FNDC7: variants seen among roughly 807,000 people sequenced by gnomAD.
FNDC7 encodes fibronectin type III domain-containing protein 7.
In FNDC7, 66 loss-of-function variants were observed where a neutral mutation model predicts 74.2. That is an observed-to-expected ratio of 0.89 (90% confidence interval 0.73 to 1.09). FNDC7 has a LOEUF of 1.09. Ranked by LOEUF, FNDC7 falls within the 50% of genes least tolerant of loss-of-function variation. The probability of loss-of-function intolerance (pLI) is 0.00; values close to 1 mark genes in which losing one functional copy is unlikely to be tolerated. For synonymous variants in FNDC7, 307 were observed against 330.2 expected (o/e 0.93, Z 0.76); for missense variants, 829 against 893.4 (o/e 0.93, Z 0.92).
At chr1:108,724,485 G>A (rs1176372344) in intron 5 of FNDC7, among the ~76,000 whole-genome samples, 3 of 152,024 alleles carry the variant, frequency 2.0e-5, no homozygotes, top group African/African-American at 7.2e-5. Flanking sequence ...TGCACACGGG[G>A]GCTCATGCCT....
intron 2 of FNDC7, among the ~76,000 whole-genome samples, chr1:108,716,470 C>T (rs1660979356): frequency 6.6e-6 from 1 of 151,822 alleles, no homozygotes; most frequent in Non-Finnish European, 1.5e-5. Flanking sequence ...TGGCAAGTGG[C>T]TATGATGAGC....
In FNDC7 at chr1:108,725,860, G is replaced by C. The variant is rs761293624; in HGVS notation, c.967G>C (p.Asp323His). The C allele has an allele frequency of 6.2e-7, 1 of 1,614,034 alleles. No individual in the cohort carries two copies. Among genetic ancestry groups the C allele is most frequent in the Non-Finnish European group, 8.5e-7 (1 of 1,179,986 alleles). Residue 323 changes from aspartate to histidine, a missense_variant, in exon 6 of 13, where the codon GAT (aspartate) becomes CAT (histidine). Transcript: ENST00000370017. ...GDYYVVFVKS[D>H]DGLEVHCNTS... ...CTACTATGTGGTCTTTGTGAAGAGT[G>C]ATGATGGCTTGGAAGTACACTGCAA... is the stretch of plus-strand genomic sequence containing the variant.
Position 108,718,937 on chromosome 1 carries a change from C to T in FNDC7, c.486C>T (p.Asn162=), listed in dbSNP as rs1570724957. 6.4e-7 allele frequency: 1 copy of T among 1,551,646 alleles called. No homozygotes were observed. The highest frequency in any genetic ancestry group is 8.7e-7 in the Non-Finnish European group (1 of 1,147,022). ...GTATATGGAAAGAGAATACTACAAA[C>T]ACCTCCTTGACATTCACCAGTTTAG... ...LGSIWKENTT[N]TSLTFTSLEA... is the part of the protein sequence containing the mutation. The change falls in exon 4 of 13, where the codon AAC becomes AAT. Residue 162 remains asparagine (N), a synonymous_variant. Transcript: ENST00000370017.
rs541750299 is a variant in FNDC7, at chr1:108,732,068, A to G, written c.1879+1140A>G. On this transcript the variant is annotated intron_variant, in intron 9 of 12. Transcript: ENST00000370017. ...AAGGTATTTAGAAAAGGAAAAAAAT[A>G]CTAATCAGTGGCCTGGCGCGGTGGC... 3.9e-5 allele frequency among the ~76,000 whole-genome samples: 6 copies of G among 152,312 alleles called. No homozygotes were observed. The South Asian group carries it at 1.2e-3, about 32-fold the overall frequency.
intron 10 of FNDC7, among the ~76,000 whole-genome samples, chr1:108,736,291 A>T (rs1661512888): frequency 6.6e-6 from 1 of 151,938 alleles, no homozygotes; most frequent in Admixed American, 6.6e-5. Context: ...CACTTCCACC[A>T]AGAGAACTCT....
intron 6 of FNDC7, 83 bp downstream of exon 6, chr1:108,726,087 A>G: frequency 6.7e-7 from 1 of 1,494,778 alleles, no homozygotes; most frequent in East Asian, 2.3e-5. Context: ...CCACTTATTG[A>G]CTTACCACCT....
At position 108,725,815 on chromosome 1, in the gene FNDC7, T is replaced by G; in HGVS notation, c.922T>G (p.Ser308Ala). The part of the protein sequence containing the change: ...DPPGHLSVAW[S>A]SVDLGDYYVV... Reference sequence around the variant, plus strand: ...CCCTGGCCACCTGTCTGTGGCTTGGTCCAGTGTAGATCTGGGTGACTACTA... The same window carrying G: ...CCCTGGCCACCTGTCTGTGGCTTGGGCCAGTGTAGATCTGGGTGACTACTA... The change falls in exon 6 of 13, where the codon TCC (serine) becomes GCC (alanine). Residue 308 changes from serine (S) to alanine (A), a missense_variant. By Grantham distance (99) the Ser-to-Ala change is moderately conservative. Coordinates refer to ENST00000370017, the MANE Select transcript of FNDC7 (RefSeq NM_001144937.3). 6.2e-7 allele frequency: 1 copy of G among 1,614,178 alleles called. No individual in the cohort carries two copies. Among genetic ancestry groups the G allele is most frequent in the Non-Finnish European group, 8.5e-7 (1 of 1,180,002 alleles).
At chr1:108,735,004 A>T (rs568861666) in intron 10 of FNDC7, among the ~76,000 whole-genome samples, 1 of 152,246 alleles carries the variant, frequency 6.6e-6, no homozygotes, top group East Asian at 1.9e-4. Context: ...GTCCGTATTC[A>T]AATTTGATAC....
At chr1:108,732,116 T>C (rs1292445632) in intron 9 of FNDC7, among the ~76,000 whole-genome samples, 1 of 152,046 alleles carries the variant, frequency 6.6e-6, no homozygotes, top group East Asian at 1.9e-4. Context: ...TCCCAGCACT[T>C]TGGGAGGCCG....
rs1661205083 is a variant in FNDC7, at chr1:108,725,884, A to T, written c.991A>T (p.Asn331Tyr). Residue 331 changes from asparagine to tyrosine, a missense_variant, in exon 6 of 13, where the codon AAC becomes TAC. Physicochemically the swap from Asn to Tyr is moderately radical, Grantham distance 143. Coordinates refer to ENST00000370017, the MANE Select transcript of FNDC7 (RefSeq NM_001144937.3). ...TGATGATGGCTTGGAAGTACACTGC[A>T]ACACATCTCTCACTCAGTGCAACTT... ...KSDDGLEVHC[N>Y]TSLTQCNFLS... The T allele has an allele frequency of 1.2e-6, 2 of 1,614,048 alleles. No homozygotes were observed. The highest frequency in any genetic ancestry group is 1.3e-5 in the African/African-American group (1 of 74,906).
intron 5 of FNDC7, among the ~76,000 whole-genome samples, chr1:108,723,090 CTATT>C (rs1661133175): frequency 6.6e-6 from 1 of 152,140 alleles, no homozygotes; most frequent in African/African-American, 2.4e-5. Flanking sequence ...GTTGACTCCT[CTATT>C]TAGAAATATC....
chr1:108,728,081 C>T lies in FNDC7; in HGVS notation c.1369+16C>T, dbSNP rs890680176. On this transcript the variant is annotated intron_variant, in intron 7 of 12. Transcript: ENST00000370017. Reference sequence around the variant, plus strand: ...ATAACCACAGGTAAGGCACAGCTATCATTCCACTCACTGGTGTCTGAATGA... The same window carrying T: ...ATAACCACAGGTAAGGCACAGCTATTATTCCACTCACTGGTGTCTGAATGA... The T allele has an allele frequency of 3.7e-6, 6 of 1,607,024 alleles. No individual in the cohort carries two copies. The highest frequency in any genetic ancestry group is 5.1e-6 in the Non-Finnish European group (6 of 1,175,982).
At position 108,728,020 on chromosome 1, in the gene FNDC7, G is replaced by A. The variant is rs1385859610; in HGVS notation, c.1324G>A (p.Val442Ile). ...CATCACAGTGTATTCATTCAATGAA[G>A]TCCGAGGCAGCAATATGTCATGTAC... Reference protein sequence around the residue: ...YNITVYSFNEVRGSNMSCTPQ... With the variant: ...YNITVYSFNEIRGSNMSCTPQ... The change falls in exon 7 of 13, where the codon GTC becomes ATC. Residue 442 changes from valine to isoleucine, a missense_variant. Val to Ile is a conservative substitution (Grantham distance 29). Coordinates refer to ENST00000370017, the MANE Select transcript of FNDC7 (RefSeq NM_001144937.3). 6.2e-7 allele frequency: 1 copy of A among 1,614,164 alleles called. No homozygotes were observed. The highest frequency in any genetic ancestry group is 1.7e-5 in the Admixed American group (1 of 60,014).
intron 4 of FNDC7, 91 bp from the exon 5 acceptor site, chr1:108,722,244 C>G (rs1307011692): frequency 1.5e-6 from 2 of 1,295,082 alleles, no homozygotes; most frequent in Non-Finnish European, 2.1e-6. Flanking sequence ...TATTGGGTAC[C>G]TTATCCTCCA....
At chr1:108,723,537 T>G (rs143560430) in intron 5 of FNDC7, among the ~76,000 whole-genome samples, 133 of 152,344 alleles carry the variant, frequency 8.7e-4, no homozygotes, top group African/African-American at 3.1e-3. Flanking sequence ...TCTCTTATAG[T>G]TATGTTAAAT....
chr1:108,722,015 T>C (rs902703917), intron 4 of FNDC7, among the ~76,000 whole-genome samples: 33 of 152,248 alleles, frequency 2.2e-4, no homozygotes, highest in African/African-American at 8.0e-4. Context: ...AATGCATTAA[T>C]TCATTCAAAA....
rs761856734 is a variant in FNDC7, at chr1:108,727,908, G to A, written c.1212G>A (p.Lys404=). The A allele has an allele frequency of 2.5e-6, 4 of 1,614,186 alleles. No individual in the cohort carries two copies. The South Asian group carries it at 4.4e-5, about 18-fold the overall frequency. The change falls in exon 7 of 13, where the codon AAG becomes AAA. Residue 404 remains lysine, a synonymous_variant. Coordinates refer to ENST00000370017, the MANE Select transcript of FNDC7 (RefSeq NM_001144937.3). ...GTGGTGCCGAACTGTATGAAACCAA[G>A]GCTGTAGATGGGTACAACATGGTTG... The part of the protein sequence containing the change: ...PVRGAELYET[K]AVDGYNMVEC...
intron 2 of FNDC7, among the ~76,000 whole-genome samples, chr1:108,713,920 G>T (rs889194124): frequency 2.0e-5 from 3 of 152,148 alleles, no homozygotes. Flanking sequence ...GAGGGAAAAT[G>T]AGAAATGTTA....
At chr1:108,728,513 T>A in intron 7 of FNDC7, 119 bp from the exon 8 acceptor site, 2 of 1,195,274 alleles carry the variant, frequency 1.7e-6, no homozygotes, top group Non-Finnish European at 2.4e-6. Flanking sequence ...TTGGCCCGCA[T>A]GCATGACGTG....
Sources: gnomAD v4.1 joint callset for allele counts (sites outside exome capture counted in the v4.1 genomes callset) on GRCh38, gnomAD v4.1.1 for gene constraint, MANE v1.5 for transcripts, NCBI Gene and HGNC (gene_info 2026-07-23, HGNC 2026-07-21) for gene names.